Variants in SNX8 observed in about 807,000 individuals in gnomAD.
SNX8 encodes sorting nexin-8.
Under a neutral mutation model 51.6 loss-of-function variants are expected in SNX8, and 25 were observed. The observed-to-expected ratio is 0.48, with a 90% CI of 0.35 to 0.68. The LOEUF (loss-of-function observed/expected upper bound fraction) is 0.68, where lower values mean the gene tolerates loss of function less well. SNX8 is among the 30% of genes least tolerant of loss of function. The pLI is 0.00. For missense variants in SNX8, 695 were observed against 624.0 expected (o/e 1.11, Z -1.21); for synonymous variants, 324 against 277.0 (o/e 1.17, Z -1.68).
chr7:2,341,280 C>A (rs531654650), intron 1 of SNX8, among the ~76,000 whole-genome samples: 1 of 152,088 alleles, frequency 6.6e-6, no homozygotes, highest in Non-Finnish European at 1.5e-5. Context: ...AGGAGGATCG[C>A]TTGAGGCCAG....
intron 1 of SNX8, among the ~76,000 whole-genome samples, chr7:2,300,120 A>G (rs546937907): frequency 6.6e-6 from 1 of 152,284 alleles, no homozygotes; most frequent in Admixed American, 6.5e-5. Context: ...TTTTTCCCCC[A>G]CGGCTAAATT....
chr7:2,281,205 AC>A (rs1361201563), intron 1 of SNX8, among the ~76,000 whole-genome samples: 1 of 152,100 alleles, frequency 6.6e-6, no homozygotes, highest in African/African-American at 2.4e-5. Flanking sequence ...CAAGAGGATC[AC>A]TTGAGCCCAG....
intron 6 of SNX8, among the ~76,000 whole-genome samples, chr7:2,263,799 C>T (rs1195057655): frequency 2.4e-4 from 37 of 152,108 alleles, no homozygotes; most frequent in Admixed American, 2.1e-3. Context: ...CTGCAACCTC[C>T]GCCTCCTAGG....
At chr7:2,320,283 A>G (rs9768897) in intron 1 of SNX8, among the ~76,000 whole-genome samples, 39,851 of 151,776 alleles carry the variant, frequency 0.26, 5,385 homozygotes, top group Middle Eastern at 0.46. Context: ...TGAACCTGGG[A>G]GGCGGAGGTT....
intron 1 of SNX8, among the ~76,000 whole-genome samples, chr7:2,321,713 CTTTT>C (rs59105866): frequency 6.8e-5 from 6 of 88,674 alleles, no homozygotes; most frequent in African/African-American, 1.7e-4. Flanking sequence ...CGCGCCCGGC[CTTTT>C]TTTTTTTTTT....
rs149962551 is a variant in SNX8, at chr7:2,332,729, G to C, written c.-66+21493C>G. ...GGGACCACTGTACTCCAGTGAGAGA[G>C]AGAGAGAGAGAGAAAAGGAAGGAAG... On this transcript the variant is annotated intron_variant, in intron 1 of 5. Transcript: ENST00000435336. Among the ~76,000 whole-genome samples, 958 of 135,036 alleles carry C rather than the reference G, an allele frequency of 7.1e-3. 13 individuals carry two copies. The highest frequency in any genetic ancestry group is 0.025 in the African/African-American group (908 of 35,784). 88.6% of individuals were successfully genotyped at this position (135,036 alleles called of 152,430 possible).
At chr7:2,315,156 G>GCATT (rs1169019071), upstream of SNX8, among the ~76,000 whole-genome samples, 1 of 132,884 alleles carries the variant, frequency 7.5e-6, no homozygotes, top group South Asian at 2.5e-4. Context: ...ACTGCATCCT[G>GCATT]CATTCATTCA....
At chr7:2,353,756 T>C (rs1779223537) in intron 1 of SNX8, among the ~76,000 whole-genome samples, 1 of 152,070 alleles carries the variant, frequency 6.6e-6, no homozygotes, top group South Asian at 2.1e-4. Context: ...CTGTTTTATT[T>C]ATTTATTTAA....
chr7:2,333,351 A>G (rs890547711), intron 1 of SNX8, among the ~76,000 whole-genome samples: 3 of 152,104 alleles, frequency 2.0e-5, no homozygotes, highest in African/African-American at 7.2e-5. Context: ...TCCAAGGTCA[A>G]GAGATCAAGA....
chr7:2,350,241 T>C (rs1351872636), intron 1 of SNX8, among the ~76,000 whole-genome samples: 1 of 152,156 alleles, frequency 6.6e-6, no homozygotes, highest in South Asian at 2.1e-4. Flanking sequence ...GTAAGAAAAC[T>C]GAGGCCTAGA....
chr7:2,352,536 G>A (rs1187940613), intron 1 of SNX8, among the ~76,000 whole-genome samples: 1 of 152,016 alleles, frequency 6.6e-6, no homozygotes, highest in Non-Finnish European at 1.5e-5. Flanking sequence ...GCATGCATAT[G>A]TAGAAAAAAC....
chr7:2,259,366 C>G (rs1419250232), intron 7 of SNX8, among the ~76,000 whole-genome samples: 1 of 152,218 alleles, frequency 6.6e-6, no homozygotes, highest in Non-Finnish European at 1.5e-5. Context: ...CTGAGCACCT[C>G]GGGGAGACCA....
In SNX8 at chr7:2,334,339, G is replaced by T. The variant is rs187020955; in HGVS notation, c.-66+19883C>A. Among the ~76,000 whole-genome samples the T allele has an allele frequency of 6.6e-5, 10 of 152,008 alleles. No individual in the cohort carries two copies. The South Asian group carries it at 2.1e-3, about 32-fold the overall frequency. ...AATCACTTGAACCCGGGAGGCAGAC[G>T]TTGCAGTGAGCTGAGATCGCACCAC... On this transcript the variant is annotated intron_variant, in intron 1 of 5. Transcript: ENST00000435336.
chr7:2,324,452 G>A lies in SNX8; in HGVS notation c.-66+29770C>T, dbSNP rs577787900. On this transcript the variant is annotated intron_variant, in intron 1 of 5. Transcript: ENST00000435336. Reference sequence around the variant, plus strand: ...ATTACAGGCATGCGCCACCACGCCTGGCTAATTTTTTGTATTTTAGTAGAG... The same window carrying A: ...ATTACAGGCATGCGCCACCACGCCTAGCTAATTTTTTGTATTTTAGTAGAG... 1.6e-4 allele frequency among the ~76,000 whole-genome samples: 25 copies of A among 151,868 alleles called. 1 individual carries two copies. Among genetic ancestry groups the A allele is most frequent in the African/African-American group, 6.0e-4 (25 of 41,444 alleles).
chr7:2,278,729 G>A (rs1182297590), intron 1 of SNX8, among the ~76,000 whole-genome samples: 4 of 88,474 alleles, frequency 4.5e-5, no homozygotes, highest in African/African-American at 9.8e-5. Flanking sequence ...AGTCGAAGCC[G>A]GACTCACTCA....
intron 1 of SNX8, among the ~76,000 whole-genome samples, chr7:2,349,174 A>G (rs1779092364): frequency 1.3e-5 from 2 of 150,596 alleles, no homozygotes; most frequent in Non-Finnish European, 3.0e-5. Flanking sequence ...ACTGCACTCC[A>G]GCCTGGGTGA....
chr7:2,351,628 T>TTC (rs1779140527), intron 1 of SNX8, among the ~76,000 whole-genome samples: 13 of 151,300 alleles, frequency 8.6e-5, no homozygotes, highest in African/African-American at 2.4e-4. Context: ...GTCAGGAGAG[T>TTC]GAGACCATCC....
intron 1 of SNX8, among the ~76,000 whole-genome samples, chr7:2,321,202 G>A (rs536481295): frequency 5.9e-5 from 9 of 152,144 alleles, no homozygotes; most frequent in South Asian, 4.2e-4. Context: ...AGGTGGGAAC[G>A]TGAGGGCTGT....
rs1315681216 is a variant in SNX8 at position 2,263,243 on chromosome 7, T to C, written c.902A>G (p.Lys301Arg). The C allele has an allele frequency of 6.2e-7, 1 of 1,613,924 alleles. No individual in the cohort carries two copies. The highest frequency in any genetic ancestry group is 1.7e-5 in the Admixed American group (1 of 60,022). ...CGATCCACTCACCTGTTGTGCAGCC[T>C]TGTCGGCGAGCAGCGCGAATTCCAC... ...LSVEFALLAD[K>R]AAQQGKQEEN... The change falls in exon 7 of 11, where the codon AAG becomes AGG. Residue 301 changes from lysine to arginine, a missense_variant. Lys to Arg is a conservative substitution (Grantham distance 26). Coordinates refer to ENST00000222990, the MANE Select transcript of SNX8 (RefSeq NM_013321.4).
Sources: allele counts gnomAD v4.1 joint callset (sites outside exome capture counted in the v4.1 genomes callset), GRCh38; gene constraint gnomAD v4.1.1; transcripts MANE v1.5; gene names NCBI Gene and HGNC (gene_info 2026-07-23, HGNC 2026-07-21).